FOCAD: variants seen among roughly 807,000 people sequenced by gnomAD.
FOCAD encodes the protein focadhesin, also known as KIAA1797.
Under a neutral mutation model 225.6 loss-of-function variants are expected in FOCAD, and 198 were observed. The ratio of observed to expected loss-of-function variants is 0.88; its 90% CI spans 0.78 to 0.99. The LOEUF is 0.99. Ranked by LOEUF, FOCAD falls within the 50% of genes least tolerant of loss-of-function variation. The probability of loss-of-function intolerance (pLI) is 0.00; values close to 1 mark genes in which losing one functional copy is unlikely to be tolerated. For synonymous variants in FOCAD, 897 were observed against 755.0 expected, an observed-to-expected ratio of 1.19 and a Z score of -3.08; for missense variants, 2,713 against 2,123.6, an observed-to-expected ratio of 1.28 and a Z score of -5.46.
At chr9:20,715,544 A>C (rs1005540923) in intron 2 of FOCAD, 134 bp downstream of exon 2, 14 of 362,930 alleles carry the variant, frequency 3.9e-5, no homozygotes, top group Non-Finnish European at 5.6e-5. Context: ...AACAACTTTA[A>C]ATATACATTT....
chr9:20,893,929 A>G (rs1019993185), intron 21 of FOCAD, among the ~76,000 whole-genome samples: 28 of 152,240 alleles, frequency 1.8e-4, no homozygotes, highest in African/African-American at 5.5e-4. Context: ...TAAACATTCT[A>G]TGGGTTTGAA....
intron 4 of FOCAD, among the ~76,000 whole-genome samples, chr9:20,722,159 C>T (rs1047302293): frequency 6.6e-6 from 1 of 151,206 alleles, no homozygotes. Flanking sequence ...CCTCCCGCCT[C>T]AGCCTCCTAA....
intron 2 of FOCAD, among the ~76,000 whole-genome samples, chr9:20,673,843 A>G (rs1170730038): frequency 6.6e-6 from 1 of 152,238 alleles, no homozygotes; most frequent in African/African-American, 2.4e-5. Flanking sequence ...AAGTGCTTGG[A>G]TTACAGGCGT....
At chr9:20,758,272 T>C in intron 6 of FOCAD, 81 bp downstream of exon 6, 1 of 941,146 alleles carries the variant, frequency 1.1e-6, no homozygotes, top group Non-Finnish European at 1.6e-6. Context: ...TTTTTTTTTG[T>C]TTGTTTGTTT....
chr9:20,715,001 G>T (rs1025562435), intron 1 of FOCAD, among the ~76,000 whole-genome samples: 1 of 152,104 alleles, frequency 6.6e-6, no homozygotes, highest in African/African-American at 2.4e-5. Flanking sequence ...ATCCACAAAA[G>T]AATTAATTTC....
intron 43 of FOCAD, 116 bp from the exon 44 acceptor site, chr9:20,995,439 TG>T (rs1841988616): frequency 1.7e-6 from 1 of 578,294 alleles, no homozygotes; most frequent in Non-Finnish European, 3.0e-6. Flanking sequence ...AAAATATCGA[TG>T]GAACTCCCTA....
rs577745188 is a variant in FOCAD, at chr9:20,717,995, T to C, written c.132+127T>C. The C allele has an allele frequency of 1.6e-3, 1,030 of 636,858 alleles. 5 individuals carry two copies. Among genetic ancestry groups the C allele is most frequent in the South Asian group, 7.9e-3 (299 of 37,976 alleles). The allele number at this position is 636,858 out of a possible 1,614,324, so 39.5% of individuals were successfully genotyped here. ...AGAAATGCTTTTGAACTGTGAGAAC[T>C]TCATTGCCTTTTTTGTTTATTTGTT... is the stretch of plus-strand genomic sequence containing the variant. On this transcript the variant is annotated intron_variant, in intron 3 of 43. Coordinates refer to ENST00000338382, the MANE Select transcript of FOCAD (RefSeq NM_001375567.1).
intron 21 of FOCAD, among the ~76,000 whole-genome samples, chr9:20,905,808 A>C (rs982134078): frequency 6.6e-6 from 1 of 151,970 alleles, no homozygotes; most frequent in Admixed American, 6.6e-5. Context: ...TCAAGGATTT[A>C]TGTTGACTTA....
chr9:20,938,500 G>A (rs961747221), intron 28 of FOCAD, among the ~76,000 whole-genome samples: 12 of 151,104 alleles, frequency 7.9e-5, no homozygotes, highest in African/African-American at 2.7e-4. Flanking sequence ...AACACCACAT[G>A]TTCTCACTCA....
chr9:20,774,262 T>C (rs751605346), intron 8 of FOCAD, among the ~76,000 whole-genome samples: 3 of 152,214 alleles, frequency 2.0e-5, no homozygotes, highest in Non-Finnish European at 4.4e-5. Flanking sequence ...AAGGCTTGAC[T>C]GGGTTCAGGA....
chr9:20,691,003 C>A (rs4399021), intron 1 of FOCAD, among the ~76,000 whole-genome samples: 89,650 of 151,464 alleles, frequency 0.59, 26,933 homozygotes, highest in Admixed American at 0.67. Flanking sequence ...AGTGCAGTGG[C>A]GTGACCTCGG....
At chr9:20,809,727 A>G (rs932293438) in intron 11 of FOCAD, among the ~76,000 whole-genome samples, 1 of 152,180 alleles carries the variant, frequency 6.6e-6, no homozygotes, top group Non-Finnish European at 1.5e-5. Context: ...TGAGTTTCTT[A>G]ACTAGGCTGT....
chr9:20,771,263 C>A (rs1818196935), intron 8 of FOCAD, among the ~76,000 whole-genome samples: 1 of 152,184 alleles, frequency 6.6e-6, no homozygotes, highest in South Asian at 2.1e-4. Context: ...GTCTTCCATG[C>A]CACACAAATG....
In FOCAD at chr9:20,789,025, T is replaced by C. The variant is rs575256202; in HGVS notation, c.1198-326T>C. The stretch of plus-strand genomic sequence containing the variant: ...TCTTTCTTCTCATTGGTGAATACTT[T>C]TTTAGTGATAATGGCTTTTTCCAAA... On this transcript the variant is annotated intron_variant, in intron 10 of 43. Coordinates refer to ENST00000338382, the MANE Select transcript of FOCAD (RefSeq NM_001375567.1). Among the ~76,000 whole-genome samples, 13 of 152,312 alleles carry C rather than the reference T, an allele frequency of 8.5e-5. No individual in the cohort carries two copies. The South Asian group carries it at 2.5e-3, about 29-fold the overall frequency.
At chr9:20,658,869 T>C (rs528126588) in intron 2 of FOCAD, 1 of 152,586 alleles carries the variant, frequency 6.6e-6, no homozygotes, top group East Asian at 1.9e-4. Context: ...CCCAAATTCC[T>C]ATGCTGAAGT....
intron 35 of FOCAD, among the ~76,000 whole-genome samples, chr9:20,955,818 C>G (rs147549319): frequency 6.6e-6 from 1 of 152,060 alleles, no homozygotes; most frequent in Non-Finnish European, 1.5e-5. Flanking sequence ...CTGTTCATAT[C>G]TCATCAAGAT....
chr9:20,687,271 C>T (rs977017406), intron 1 of FOCAD, among the ~76,000 whole-genome samples: 2 of 152,062 alleles, frequency 1.3e-5, no homozygotes, highest in African/African-American at 2.4e-5. Context: ...TTTACTTGCC[C>T]GGGGACCAAT....
At chr9:20,686,368 G>A (rs879429698) in intron 1 of FOCAD, among the ~76,000 whole-genome samples, 4 of 152,128 alleles carry the variant, frequency 2.6e-5, no homozygotes, top group Admixed American at 2.0e-4. Context: ...TGTTGGCCAG[G>A]CTGGTCTCGA....
chr9:20,988,499 A>T (rs2132683959), intron 41 of FOCAD, 70 bp downstream of exon 41: 6 of 493,406 alleles, frequency 1.2e-5, no homozygotes, highest in East Asian at 1.6e-4. Context: ...TGCAAAAGTA[A>T]TTGCGGTTTT....
Sources: gnomAD v4.1 joint callset for allele counts (sites outside exome capture counted in the v4.1 genomes callset) on GRCh38, gnomAD v4.1.1 for gene constraint, MANE v1.5 for transcripts, NCBI Gene and HGNC (gene_info 2026-07-23, HGNC 2026-07-21) for gene names.